The following AMY2B variants were observed in gnomAD, a reference collection of about 807,000 sequenced individuals.
AMY2B encodes alpha-amylase 2B.
AMY2B carries 63 observed loss-of-function variants against 59.3 expected under a neutral mutation model. The ratio of observed to expected loss-of-function variants is 1.06; its 90% confidence interval spans 0.87 to 1.31. AMY2B has a LOEUF of 1.31. AMY2B is among the 50% of genes most tolerant of loss of function. The pLI is 0.00. For missense variants in AMY2B, 635 were observed against 626.7 expected (o/e 1.01, Z -0.14); for synonymous variants, 180 against 198.1 (o/e 0.91, Z 0.77).
upstream of AMY2B, chr1:103,569,886 T>C: frequency 2.2e-6 from 1 of 461,728 alleles, no homozygotes; most frequent in South Asian, 1.8e-5. Context: ...CCCCTGAACC[T>C]CAAGGCCAAC....
intron 1 of AMY2B, among the ~76,000 whole-genome samples, chr1:103,555,473 G>A (rs1303411485): frequency 6.6e-6 from 1 of 151,882 alleles, no homozygotes; most frequent in Non-Finnish European, 1.5e-5. Flanking sequence ...TTTTGGAAAT[G>A]GGGGTTTATC....
At chr1:103,558,811 C>A (rs1651642125) in intron 1 of AMY2B, among the ~76,000 whole-genome samples, 2 of 150,398 alleles carry the variant, frequency 1.3e-5, no homozygotes, top group South Asian at 4.2e-4. Flanking sequence ...CTCTGTCTCT[C>A]TTCCCATCCT....
intron 1 of AMY2B, among the ~76,000 whole-genome samples, chr1:103,564,149 G>A (rs1420856875): frequency 2.0e-5 from 3 of 152,082 alleles, no homozygotes; most frequent in South Asian, 2.1e-4. Context: ...TGCATTATTC[G>A]TTTAATCACA....
intron 1 of AMY2B, among the ~76,000 whole-genome samples, chr1:103,564,030 G>A (rs1283845926): frequency 1.3e-5 from 2 of 152,102 alleles, no homozygotes; most frequent in Non-Finnish European, 2.9e-5. Flanking sequence ...AAGACAGTAT[G>A]AGTTGATAGG....
intron 1 of AMY2B, among the ~76,000 whole-genome samples, chr1:103,559,237 G>A (rs1395449225): frequency 6.6e-6 from 1 of 152,114 alleles, no homozygotes; most frequent in African/African-American, 2.4e-5. Context: ...ATTTTTATCG[G>A]AAGTTTCCTA....
At chr1:103,574,084 A>G in intron 4 of AMY2B, 146 bp downstream of exon 4, 3 of 1,506,624 alleles carry the variant, frequency 2.0e-6, no homozygotes, top group Non-Finnish European at 2.7e-6. Flanking sequence ...CACATACAGC[A>G]TATCTAATTC....
chr1:103,576,595 T>A (rs1208421002), intron 7 of AMY2B, among the ~76,000 whole-genome samples: 1 of 152,114 alleles, frequency 6.6e-6, no homozygotes, highest in Non-Finnish European at 1.5e-5. Flanking sequence ...TTAATTAAGA[T>A]TTTTTAAAGT....
At chr1:103,555,753 C>CT in intron 1 of AMY2B, among the ~76,000 whole-genome samples, 1 of 152,158 alleles carries the variant, frequency 6.6e-6, no homozygotes, top group Admixed American at 6.5e-5. Context: ...GAAGACAACT[C>CT]TTAAAGAGTC....
At chr1:103,559,729 TGCTA>T (rs767741316) in intron 1 of AMY2B, among the ~76,000 whole-genome samples, 18 of 152,168 alleles carry the variant, frequency 1.2e-4, no homozygotes, top group Non-Finnish European at 2.4e-4. Context: ...TGTTCAGTCT[TGCTA>T]GTAATTGGGA....
Position 103,575,234 on chromosome 1 carries a change from A to T in AMY2B, c.890A>T (p.Glu297Val), listed in dbSNP as rs768666706. The change falls in exon 6 of 10, where the codon GAA becomes GTA. Residue 297 changes from glutamate to valine, a missense_variant. Physicochemically the swap from Glu to Val is moderately radical, Grantham distance 121 (BLOSUM62 -2). Coordinates refer to ENST00000684275, the MANE Select transcript of AMY2B (RefSeq NM_001387437.1). ...EKMSYLKNWG[E>V]GWGFMPSDRA... ...TTTTTCAAAAATAGGAACTGGGGAGAAGGTTGGGGTTTCATGCCTTCTGAC... is the reference window on the plus strand; with the variant it reads ...TTTTTCAAAAATAGGAACTGGGGAGTAGGTTGGGGTTTCATGCCTTCTGAC... 2 of 1,613,540 alleles carry T rather than the reference A, an allele frequency of 1.2e-6. No homozygotes were observed. The highest frequency in any genetic ancestry group is 3.3e-5 in the Admixed American group (2 of 59,982).
intron 1 of AMY2B, chr1:103,562,130 G>A (rs1478348447): frequency 1.3e-5 from 2 of 152,138 alleles, no homozygotes; most frequent in African/African-American, 2.4e-5. Context: ...TATTATGTAA[G>A]TCCTCCTCCA....
At chr1:103,556,730 A>G (rs1651564421) in intron 1 of AMY2B, among the ~76,000 whole-genome samples, 1 of 152,016 alleles carries the variant, frequency 6.6e-6, no homozygotes, top group South Asian at 2.1e-4. Context: ...TGAATTCAAG[A>G]AATTGGGAAC....
At chr1:103,571,373 G>T, upstream of AMY2B, 2 of 1,111,764 alleles carry the variant, frequency 1.8e-6, no homozygotes, top group Non-Finnish European at 2.5e-6. Flanking sequence ...AAATAAAAGT[G>T]CTGCCAGAAC....
At position 103,575,349 on chromosome 1, in the gene AMY2B, GA is replaced by G. The variant is rs750640477; in HGVS notation, c.1001+8del. 4.3e-6 allele frequency: 7 copies of G among 1,613,272 alleles called. No individual in the cohort carries two copies. In the South Asian group the frequency reaches 7.7e-5, roughly 18 times the overall value. On this transcript the variant is annotated splice_donor_5th_base_variant and intron_variant, in intron 6 of 9. Coordinates refer to ENST00000684275, the MANE Select transcript of AMY2B (RefSeq NM_001387437.1). ...TTCTTACCTTCTGGGATGCTAGGTA[GA>G]AAACCAAGTTCTCTATTTTTTTTAA...
At chr1:103,555,650 T>C (rs1570631900) in intron 1 of AMY2B, among the ~76,000 whole-genome samples, 1 of 152,202 alleles carries the variant, frequency 6.6e-6, no homozygotes, top group Non-Finnish European at 1.5e-5. Context: ...GAAAACATTC[T>C]TTTTTGTCAA....
intron 2 of AMY2B, among the ~76,000 whole-genome samples, chr1:103,566,541 G>A (rs982745097): frequency 2.0e-5 from 3 of 151,988 alleles, no homozygotes; most frequent in East Asian, 1.9e-4. Flanking sequence ...CACACTATCC[G>A]AGTGTGTTTT....
At chr1:103,571,323 G>A, upstream of AMY2B, 1 of 886,650 alleles carries the variant, frequency 1.1e-6, no homozygotes, top group Non-Finnish European at 1.6e-6. Flanking sequence ...ACTGTTACGT[G>A]AGAACATTAG....
upstream of AMY2B, among the ~76,000 whole-genome samples, chr1:103,566,896 G>T (rs1246977289): frequency 1.3e-5 from 2 of 151,994 alleles, no homozygotes; most frequent in African/African-American, 4.8e-5. Context: ...CCAATGTTTT[G>T]CACAATACCT....
intron 2 of AMY2B, 76 bp from the exon 3 acceptor site, chr1:103,572,987 T>A: frequency 6.2e-7 from 1 of 1,609,692 alleles, no homozygotes; most frequent in Non-Finnish European, 8.5e-7. Flanking sequence ...ATTAACATAC[T>A]ATAAACTTGA....
Sources: allele counts gnomAD v4.1 joint callset (sites outside exome capture counted in the v4.1 genomes callset), GRCh38; gene constraint gnomAD v4.1.1; transcripts MANE v1.5; gene names NCBI Gene and HGNC (gene_info 2026-07-23, HGNC 2026-07-21).